The following AOAH variants were observed in gnomAD, a reference collection of about 807,000 sequenced individuals.
AOAH encodes the protein acyloxyacyl hydrolase.
Under a neutral mutation model 92.2 loss-of-function variants are expected in AOAH, and 64 were observed. The observed-to-expected ratio is 0.69, with a 90% CI of 0.57 to 0.86. The LOEUF (loss-of-function observed/expected upper bound fraction) is 0.86, where lower values mean the gene tolerates loss of function less well. AOAH is among the 40% of genes least tolerant of loss of function. The pLI is 0.00. For synonymous variants in AOAH, 263 were observed against 254.5 expected, an observed-to-expected ratio of 1.03 and a Z score of -0.32; for missense variants, 656 against 694.6, an observed-to-expected ratio of 0.94 and a Z score of 0.62.
At chr7:36,712,898 C>T (rs1322844781) in intron 1 of AOAH, among the ~76,000 whole-genome samples, 3 of 152,130 alleles carry the variant, frequency 2.0e-5, no homozygotes, top group Non-Finnish European at 4.4e-5. Flanking sequence ...TAAAGAGCAT[C>T]GAGGCTAGGA....
intron 8 of AOAH, 70 bp from the exon 9 acceptor site, chr7:36,620,899 G>T: frequency 3.7e-6 from 3 of 804,926 alleles, no homozygotes; most frequent in South Asian, 2.3e-5. Context: ...TTTCATGCAT[G>T]AATGAATGAA....
intron 2 of AOAH, among the ~76,000 whole-genome samples, chr7:36,680,529 A>G (rs1322658456): frequency 6.6e-6 from 1 of 152,230 alleles, no homozygotes; most frequent in Non-Finnish European, 1.5e-5. Flanking sequence ...GCAATGCAAT[A>G]TTGGATCCCA....
At chr7:36,585,025 G>A (rs747739374) in intron 12 of AOAH, among the ~76,000 whole-genome samples, 18 of 152,134 alleles carry the variant, frequency 1.2e-4, no homozygotes, top group African/African-American at 4.3e-4. Context: ...GGTGGAGCAT[G>A]AGACAAGTAG....
intron 1 of AOAH, among the ~76,000 whole-genome samples, chr7:36,708,729 A>AACTGTG (rs1798577813): frequency 6.6e-6 from 1 of 152,142 alleles, no homozygotes; most frequent in Non-Finnish European, 1.5e-5. Flanking sequence ...TCTGGGCTTC[A>AACTGTG]ACTGTGGATC....
intron 6 of AOAH, 98 bp from the exon 7 acceptor site, chr7:36,623,348 A>T: frequency 9.4e-7 from 1 of 1,067,104 alleles, no homozygotes; most frequent in Non-Finnish European, 1.4e-6. Context: ...AGCTCTGTTG[A>T]GTTTATGCCA....
At chr7:36,683,364 T>C (rs1324182266) in intron 2 of AOAH, among the ~76,000 whole-genome samples, 4 of 152,162 alleles carry the variant, frequency 2.6e-5, no homozygotes. Flanking sequence ...TGAACATTAA[T>C]CATACAGTTG....
At chr7:36,645,692 G>A (rs973896400) in intron 4 of AOAH, among the ~76,000 whole-genome samples, 1 of 151,680 alleles carries the variant, frequency 6.6e-6, no homozygotes, top group African/African-American at 2.4e-5. Flanking sequence ...TGGTTTTTAG[G>A]TTCTGACACT....
chr7:36,724,354 T>C lies in AOAH; in HGVS notation c.-206A>G. ...ACATAAACACTCACAGACCCACAGC[T>C]TGCTCTTGTTGGACCCTGAGAGAGC... On this transcript the variant is annotated 5_prime_UTR_variant, in exon 1 of 21. Coordinates refer to ENST00000617537, the MANE Select transcript of AOAH (RefSeq NM_001637.4). 2 of 453,690 alleles carry C rather than the reference T, an allele frequency of 4.4e-6. No individual in the cohort carries two copies. Among genetic ancestry groups the C allele is most frequent in the East Asian group, 9.4e-5 (2 of 21,224 alleles). 28.1% of individuals were successfully genotyped at this position (453,690 alleles called of 1,614,324 possible).
intron 7 of AOAH, among the ~76,000 whole-genome samples, 187 bp downstream of exon 7, chr7:36,623,003 G>T (rs1240926729): frequency 6.6e-6 from 1 of 152,204 alleles, no homozygotes; most frequent in African/African-American, 2.4e-5. Context: ...CCATGCCACT[G>T]CACTCCAGTC....
At chr7:36,664,729 T>A (rs1329542558) in intron 3 of AOAH, among the ~76,000 whole-genome samples, 1 of 152,210 alleles carries the variant, frequency 6.6e-6, no homozygotes, top group Admixed American at 6.5e-5. Context: ...AAAAAATACT[T>A]GAGGCTGGGC....
rs543058396 is a variant in AOAH, at chr7:36,569,916, A to C, written c.1021+6658T>G. Among the ~76,000 whole-genome samples the C allele has an allele frequency of 7.2e-5, 11 of 152,158 alleles. No individual in the cohort carries two copies. In the South Asian group the frequency reaches 2.3e-3, roughly 32 times the overall value. Reference sequence around the variant, plus strand: ...GCGTGAACCACCGCGCCCAGCCCCTACTTAAAAATATATTTTATACCACTT... The same window carrying C: ...GCGTGAACCACCGCGCCCAGCCCCTCCTTAAAAATATATTTTATACCACTT... On this transcript the variant is annotated intron_variant, in intron 13 of 20. Coordinates refer to ENST00000617537, the MANE Select transcript of AOAH (RefSeq NM_001637.4).
chr7:36,572,480 G>A (rs1986832), intron 13 of AOAH, among the ~76,000 whole-genome samples: 13,492 of 151,498 alleles, frequency 0.089, 711 homozygotes, highest in Admixed American at 0.14. Context: ...CTATGACCAC[G>A]CCACTGTGCT....
At chr7:36,537,506 G>GTTTTTTTTTTT (rs67918250) in intron 16 of AOAH, among the ~76,000 whole-genome samples, 602 of 134,434 alleles carry the variant, frequency 4.5e-3, no homozygotes, top group Non-Finnish European at 7.4e-3. Flanking sequence ...CACCCCTCTT[G>GTTTTTTTTTTT]TTTTTTTTTT....
At chr7:36,628,669 G>A (rs549733961) in intron 6 of AOAH, among the ~76,000 whole-genome samples, 46 of 152,336 alleles carry the variant, frequency 3.0e-4, no homozygotes, top group Non-Finnish European at 4.7e-4. Context: ...GCTGGAACGC[G>A]TCCCTGGGGT....
chr7:36,713,895 C>A (rs1384049220), intron 1 of AOAH, among the ~76,000 whole-genome samples: 1 of 151,984 alleles, frequency 6.6e-6, no homozygotes, highest in African/African-American at 2.4e-5. Flanking sequence ...AAATTGACAC[C>A]CTAACATCAC....
chr7:36,522,212 G>T, intron 19 of AOAH, 97 bp from the exon 20 acceptor site: 1 of 1,156,952 alleles, frequency 8.6e-7, no homozygotes, highest in Non-Finnish European at 1.3e-6. Context: ...GCCCTCCCGG[G>T]CCCATGTTGA....
At chr7:36,551,590 C>T (rs1276394071) in intron 13 of AOAH, among the ~76,000 whole-genome samples, 3 of 152,182 alleles carry the variant, frequency 2.0e-5, no homozygotes, top group South Asian at 2.1e-4. Flanking sequence ...CTATTCTAGG[C>T]ACCTCATGTA....
intron 9 of AOAH, among the ~76,000 whole-genome samples, chr7:36,619,352 A>G (rs774269301): frequency 6.6e-6 from 1 of 152,104 alleles, no homozygotes; most frequent in Non-Finnish European, 1.5e-5. Context: ...TGAGCTCTGC[A>G]TCTTGCCTCC....
At position 36,547,224 on chromosome 7, in the gene AOAH, T is replaced by C. The variant is rs549139096; in HGVS notation, c.1133+1388A>G. On this transcript the variant is annotated intron_variant, in intron 15 of 20. Coordinates refer to ENST00000617537, the MANE Select transcript of AOAH (RefSeq NM_001637.4). ...AGTCCCCGGTGTCTCTTCACAGACC[T>C]TGGTGCCCAGAATGTAGCCTTGGCC... 2.6e-5 allele frequency among the ~76,000 whole-genome samples: 4 copies of C among 152,324 alleles called. No homozygotes were observed. The South Asian group carries it at 8.3e-4, about 32-fold the overall frequency.
Sources: gnomAD v4.1 joint callset for allele counts (sites outside exome capture counted in the v4.1 genomes callset) on GRCh38, gnomAD v4.1.1 for gene constraint, MANE v1.5 for transcripts, NCBI Gene and HGNC (gene_info 2026-07-23, HGNC 2026-07-21) for gene names.